The following PRRC2B variants were observed in gnomAD, a reference collection of about 807,000 sequenced individuals.
PRRC2B encodes the protein protein PRRC2B.
PRRC2B carries 68 observed loss-of-function variants against 242.3 expected under a neutral mutation model. The observed-to-expected ratio is 0.28, with a 90% confidence interval of 0.23 to 0.34. PRRC2B has a LOEUF of 0.34. Ranked by LOEUF, PRRC2B falls within the 10% of genes least tolerant of loss-of-function variation. PRRC2B has a pLI of 1.00. For missense variants in PRRC2B, 2,835 were observed against 2,954.8 expected (o/e 0.96, Z 0.94); for synonymous variants, 1,228 against 1,173.6 (o/e 1.05, Z -0.95).
In PRRC2B at chr9:131,476,326, C is replaced by G. The variant is rs1295178260; in HGVS notation, c.4197C>G (p.Ser1399=). ...RREGPGSEPD[S]QVDGGLSGAS... ...AAGGCCCTGGGTCCGAGCCCGACTCCCAGGTGGATGGTGGCCTGTCGGGGG... is the reference window on the plus strand; with the variant it reads ...AAGGCCCTGGGTCCGAGCCCGACTCGCAGGTGGATGGTGGCCTGTCGGGGG... Residue 1399 remains serine, a synonymous_variant, in exon 16 of 32, where the codon TCC becomes TCG. Transcript: ENST00000683519. 3 of 1,582,514 alleles carry G rather than the reference C, an allele frequency of 1.9e-6. No individual in the cohort carries two copies. The highest frequency in any genetic ancestry group is 3.7e-5 in the Admixed American group (2 of 54,400).
Position 131,459,278 on chromosome 9 carries a change from C to A in PRRC2B, c.1326C>A (p.Ser442=). ...ACTGGGCTGAAGCAGTGGGTGCGTC[C>A]CGTGTGGTCCGAAAGGCGCCAGACC... The part of the protein sequence containing the change: ...GKDWAEAVGA[S]RVVRKAPDPQ... The change falls in exon 11 of 32, where the codon TCC becomes TCA. Residue 442 remains serine (S), a synonymous_variant. Coordinates refer to ENST00000683519, the MANE Select transcript of PRRC2B (RefSeq NM_013318.4). 3.1e-6 allele frequency: 5 copies of A among 1,613,868 alleles called. No individual in the cohort carries two copies. Among genetic ancestry groups the A allele is most frequent in the Non-Finnish European group, 3.4e-6 (4 of 1,179,864 alleles).
intron 1 of PRRC2B, among the ~76,000 whole-genome samples, chr9:131,375,559 A>G (rs1309600995): frequency 6.6e-6 from 1 of 152,184 alleles, no homozygotes; most frequent in African/African-American, 2.4e-5. Flanking sequence ...GTGTTGTCTC[A>G]GAGCAGGTAG....
intron 1 of PRRC2B, among the ~76,000 whole-genome samples, chr9:131,412,059 G>T (rs370842981): frequency 2.0e-5 from 3 of 151,722 alleles, no homozygotes; most frequent in Non-Finnish European, 4.4e-5. Flanking sequence ...CTCTCACTTC[G>T]GACTCTCAGA....
chr9:131,492,740 C>T (rs1469032200), intron 30 of PRRC2B, among the ~76,000 whole-genome samples: 3 of 152,176 alleles, frequency 2.0e-5, no homozygotes, highest in Admixed American at 2.0e-4. Context: ...AAACCAGCAC[C>T]CTCTTTTTGC....
upstream of PRRC2B, among the ~76,000 whole-genome samples, chr9:131,392,129 C>T (rs1451959570): frequency 8.7e-5 from 13 of 149,608 alleles, no homozygotes; most frequent in Non-Finnish European, 1.6e-4. Flanking sequence ...GATGGAGTCT[C>T]ACTCTGTCAC....
intron 1 of PRRC2B, among the ~76,000 whole-genome samples, chr9:131,387,355 T>C (rs1341542543): frequency 6.7e-6 from 1 of 150,104 alleles, no homozygotes; most frequent in Non-Finnish European, 1.5e-5. Context: ...TGGCAGCTGA[T>C]TGGATTGTGC....
chr9:131,458,212 AT>A (rs1309871200), intron 10 of PRRC2B, among the ~76,000 whole-genome samples: 1 of 152,020 alleles, frequency 6.6e-6, no homozygotes, highest in Non-Finnish European at 1.5e-5. Context: ...AGGGGCATTT[AT>A]TGAGCAACTG....
At chr9:131,492,811 G>A (rs376684889) in intron 30 of PRRC2B, among the ~76,000 whole-genome samples, 1 of 152,198 alleles carries the variant, frequency 6.6e-6, no homozygotes, top group Non-Finnish European at 1.5e-5. Context: ...TGGATACTCA[G>A]GTGGCTCTGT....
In PRRC2B at chr9:131,430,052, TTCTC is replaced by T. The variant is rs1265056337; in HGVS notation, c.-51-36_-51-33del. 6.0e-6 allele frequency: 4 copies of T among 661,916 alleles called. No homozygotes were observed. The Admixed American group carries it at 8.5e-5, about 14-fold the overall frequency. 41.0% of individuals were successfully genotyped at this position (661,916 alleles called of 1,614,324 possible). On this transcript the variant is annotated intron_variant, in intron 1 of 31. Transcript: ENST00000683519. ...GCTGTAGTGACACTCTTTTTTTTTTTTCTCTCTCTTTTTTTTTTTTTCTTCTCTA... is the reference window on the plus strand; with the variant it reads ...GCTGTAGTGACACTCTTTTTTTTTTTTCTCTTTTTTTTTTTTTCTTCTCTA...
rs911435545 is a variant in PRRC2B at position 131,476,394 on chromosome 9, C to G, written c.4265C>G (p.Ser1422Cys). The change falls in exon 16 of 32, where the codon TCC becomes TGC. Residue 1422 changes from serine (S) to cysteine (C), a missense_variant. Transcript: ENST00000683519. The stretch of plus-strand genomic sequence containing the variant: ...AAGGAGCTGGCCAAGAGGAGCTTCT[C>G]CAGTCAGAGACCCGTGGTTGACAGA... ...EKKELAKRSF[S>C]SQRPVVDRQS... The G allele has an allele frequency of 6.2e-7, 1 of 1,606,560 alleles. No homozygotes were observed. Among genetic ancestry groups the G allele is most frequent in the African/African-American group, 1.3e-5 (1 of 74,826 alleles).
At chr9:131,481,869 A>G (rs1943880805) in intron 20 of PRRC2B, 61 bp downstream of exon 20, 1 of 1,427,914 alleles carries the variant, frequency 7.0e-7, no homozygotes, top group South Asian at 1.2e-5. Context: ...TGTGCTCACC[A>G]TCCACACGGC....
At chr9:131,485,749 G>C in intron 25 of PRRC2B, 1 of 597,922 alleles carries the variant, frequency 1.7e-6, no homozygotes, top group Non-Finnish European at 3.2e-6. Flanking sequence ...GTGACTGAGA[G>C]ACCAAGGCAG....
upstream of PRRC2B, chr9:131,393,973 G>GC (rs1197364821): frequency 6.6e-6 from 1 of 151,594 alleles, no homozygotes; most frequent in Non-Finnish European, 1.5e-5. Flanking sequence ...GGGAGGCGCG[G>GC]CAGGGGGCGC....
chr9:131,475,167 T>C lies in PRRC2B; in HGVS notation c.3038T>C (p.Phe1013Ser). 6.2e-7 allele frequency: 1 copy of C among 1,613,340 alleles called. No individual in the cohort carries two copies. Among genetic ancestry groups the C allele is most frequent in the Non-Finnish European group, 8.5e-7 (1 of 1,179,670 alleles). Residue 1013 changes from phenylalanine (F) to serine (S), a missense_variant, in exon 16 of 32, where the codon TTT becomes TCT. By Grantham distance (155) the Phe-to-Ser change is radical. Transcript: ENST00000683519. ...GACAAAGGCCCTGGCCATGCCACTT[T>C]TGGCCGCGAGGCCACCAAATTTGAA... ...LEDKGPGHATFGREATKFEEE... is the reference protein window; with the variant it reads ...LEDKGPGHATSGREATKFEEE...
intron 5 of PRRC2B, among the ~76,000 whole-genome samples, chr9:131,443,798 CTCCACAGGAAAGCAGTTGCCT>C (rs1053915289): frequency 6.6e-6 from 1 of 152,194 alleles, no homozygotes; most frequent in African/African-American, 2.4e-5. Context: ...TAGGTGTTGC[CTCCACAGGAAAGCAGTTGCCT>C]TCTTGGCCTC....
intron 4 of PRRC2B, among the ~76,000 whole-genome samples, chr9:131,437,913 C>T (rs1394118195): frequency 6.6e-6 from 1 of 152,134 alleles, no homozygotes; most frequent in Non-Finnish European, 1.5e-5. Flanking sequence ...TGCTCAGACC[C>T]CACCACTGGG....
At chr9:131,492,515 A>G (rs1247019711) in intron 30 of PRRC2B, among the ~76,000 whole-genome samples, 1 of 152,168 alleles carries the variant, frequency 6.6e-6, no homozygotes, top group Non-Finnish European at 1.5e-5. Context: ...GCTTTCTGGA[A>G]AGGTAGGAAA....
chr9:131,463,649 T>A (rs1207457289), intron 11 of PRRC2B, among the ~76,000 whole-genome samples: 2 of 113,092 alleles, frequency 1.8e-5, no homozygotes, highest in Non-Finnish European at 3.9e-5. Context: ...TTTTTTTTCT[T>A]AATGGGATCT....
intron 1 of PRRC2B, among the ~76,000 whole-genome samples, chr9:131,422,380 G>C (rs967692477): frequency 4.6e-5 from 7 of 152,158 alleles, no homozygotes; most frequent in African/African-American, 1.7e-4. Flanking sequence ...TATCCTGATT[G>C]ACTGAACCTT....
Sources: allele counts gnomAD v4.1 joint callset (sites outside exome capture counted in the v4.1 genomes callset), GRCh38; gene constraint gnomAD v4.1.1; transcripts MANE v1.5; gene names NCBI Gene and HGNC (gene_info 2026-07-23, HGNC 2026-07-21).